Variants in SLIT3 observed in about 807,000 individuals in gnomAD.
SLIT3 encodes the protein slit homolog 3 protein.
SLIT3 carries 68 observed loss-of-function variants against 184.0 expected under a neutral mutation model. The ratio of observed to expected loss-of-function variants is 0.37; its 90% CI spans 0.30 to 0.45. SLIT3 has a LOEUF of 0.45. Among genes scored for constraint, SLIT3 ranks in the 20% least tolerant of loss-of-function variants. The probability of loss-of-function intolerance (pLI) is 1.00; values close to 1 mark genes in which losing one functional copy is unlikely to be tolerated. For synonymous variants in SLIT3, 831 were observed against 828.6 expected, an observed-to-expected ratio of 1.00 and a Z score of -0.05; for missense variants, 1,707 against 2,026.0, an observed-to-expected ratio of 0.84 and a Z score of 3.02.
chr5:169,091,493 GT>G (rs745957395), intron 4 of SLIT3, among the ~76,000 whole-genome samples: 6 of 152,340 alleles, frequency 3.9e-5, no homozygotes, highest in Middle Eastern at 6.8e-3. Flanking sequence ...TTCCTCTGGA[GT>G]CCCCCATGTT....
intron 3 of SLIT3, among the ~76,000 whole-genome samples, chr5:169,203,390 G>C (rs1164265549): frequency 8.6e-6 from 1 of 116,852 alleles, no homozygotes; most frequent in Non-Finnish European, 1.9e-5. Flanking sequence ...CACACACACA[G>C]CAGATAATAA....
At chr5:168,981,468 G>A (rs1366144174) in intron 4 of SLIT3, among the ~76,000 whole-genome samples, 1 of 152,148 alleles carries the variant, frequency 6.6e-6, no homozygotes, top group East Asian at 1.9e-4. Context: ...TGCATGTGGT[G>A]GAGGTTCCAT....
At chr5:168,756,753 G>T (rs1389541589) in intron 16 of SLIT3, among the ~76,000 whole-genome samples, 2 of 152,230 alleles carry the variant, frequency 1.3e-5, no homozygotes. Context: ...AATGCCAGAA[G>T]AGAAGGCTTT....
At chr5:168,785,806 G>T in intron 12 of SLIT3, 101 bp downstream of exon 12, 1 of 831,100 alleles carries the variant, frequency 1.2e-6, no homozygotes, top group Non-Finnish European at 2.0e-6. Context: ...TCTTTTGTCT[G>T]CAGAAAGTCA....
intron 16 of SLIT3, among the ~76,000 whole-genome samples, chr5:168,757,638 T>C (rs1284560892): frequency 6.6e-6 from 1 of 152,184 alleles, no homozygotes; most frequent in African/African-American, 2.4e-5. Flanking sequence ...GGTTTCACCG[T>C]GTTAGTCAGG....
At chr5:169,251,137 G>A (rs1765759573) in intron 2 of SLIT3, among the ~76,000 whole-genome samples, 2 of 152,206 alleles carry the variant, frequency 1.3e-5, no homozygotes, top group Non-Finnish European at 2.9e-5. Flanking sequence ...TGATTTATTT[G>A]TTCATAGCCT....
intron 20 of SLIT3, among the ~76,000 whole-genome samples, chr5:168,728,465 A>G (rs745992480): frequency 8.5e-5 from 13 of 152,150 alleles, no homozygotes; most frequent in Non-Finnish European, 1.3e-4. Context: ...GATCCCAATC[A>G]AAAAGAATTC....
chr5:169,149,258 ATTGT>A (rs929868137), intron 4 of SLIT3, among the ~76,000 whole-genome samples: 2 of 151,790 alleles, frequency 1.3e-5, no homozygotes, highest in African/African-American at 4.8e-5. Context: ...GTAGTCAATG[ATTGT>A]TTGGCGGTAA....
intron 4 of SLIT3, among the ~76,000 whole-genome samples, chr5:169,185,406 G>A (rs1763299187): frequency 6.6e-6 from 1 of 152,194 alleles, no homozygotes; most frequent in African/African-American, 2.4e-5. Context: ...GCGCACAAGG[G>A]AGCAGGTCTC....
intron 3 of SLIT3, among the ~76,000 whole-genome samples, chr5:169,216,901 G>A (rs1002887336): frequency 6.6e-6 from 1 of 152,000 alleles, no homozygotes. Context: ...TGCGTGGCTC[G>A]GATGTTAATT....
At chr5:168,989,418 C>A (rs1297426912) in intron 4 of SLIT3, among the ~76,000 whole-genome samples, 1 of 152,226 alleles carries the variant, frequency 6.6e-6, no homozygotes, top group African/African-American at 2.4e-5. Flanking sequence ...GCTGAAAACA[C>A]AGCAGGAGAC....
chr5:168,708,008 G>A lies in SLIT3; in HGVS notation c.2812C>T (p.Leu938=). ...CTGTAGGGGCAGGCACAGCGGTACA[G>A]CTCCACAGGGTCCTGGGTGCATGTC... ...NGTCTQDPVE[L]YRCACPYSYK... Residue 938 remains leucine, a synonymous_variant, in exon 26 of 36, where the codon CTG becomes TTG. Coordinates refer to ENST00000519560, the MANE Select transcript of SLIT3 (RefSeq NM_003062.4). 6.2e-7 allele frequency: 1 copy of A among 1,614,202 alleles called. No homozygotes were observed.
intron 4 of SLIT3, among the ~76,000 whole-genome samples, chr5:168,941,827 C>G (rs572539435): frequency 3.3e-5 from 5 of 152,272 alleles, no homozygotes; most frequent in Admixed American, 2.0e-4. Context: ...TAATAAAATA[C>G]CTACCTCATG....
chr5:168,807,451 T>C (rs1329720615), intron 8 of SLIT3, among the ~76,000 whole-genome samples: 1 of 152,210 alleles, frequency 6.6e-6, no homozygotes, highest in African/African-American at 2.4e-5. Context: ...GACTATTCCC[T>C]CAAAGTGAGG....
intron 4 of SLIT3, among the ~76,000 whole-genome samples, chr5:169,191,358 G>A (rs971193327): frequency 1.3e-5 from 2 of 152,216 alleles, no homozygotes; most frequent in Middle Eastern, 3.2e-3. Flanking sequence ...TGCCTTCCCA[G>A]CTGCAGCTCT....
At chr5:169,098,804 T>C (rs1759891888) in intron 4 of SLIT3, among the ~76,000 whole-genome samples, 2 of 152,220 alleles carry the variant, frequency 1.3e-5, no homozygotes, top group Non-Finnish European at 2.9e-5. Flanking sequence ...GATTCACATT[T>C]TTCCAACCTC....
At chr5:169,013,495 G>T (rs528618877) in intron 4 of SLIT3, 1 of 152,190 alleles carries the variant, frequency 6.6e-6, no homozygotes, top group South Asian at 2.1e-4. Context: ...ACTGAAACCC[G>T]ATCCTTCTGC....
Position 169,224,822 on chromosome 5 carries a change from G to A in SLIT3, c.341+19883C>T, listed in dbSNP as rs111935249. ...ATGCTTCATCCTCCCGATAAGCTGGGACTACAGGTGCCGGCAACCATGCCC... is the reference window on the plus strand; with the variant it reads ...ATGCTTCATCCTCCCGATAAGCTGGAACTACAGGTGCCGGCAACCATGCCC... On this transcript the variant is annotated intron_variant, in intron 3 of 35. Transcript: ENST00000519560. 3.5e-3 allele frequency among the ~76,000 whole-genome samples: 535 copies of A among 152,188 alleles called. 6 individuals are homozygous for A. The highest frequency in any genetic ancestry group is 0.012 in the African/African-American group (512 of 41,510).
At chr5:169,005,035 T>C (rs1263657506) in intron 4 of SLIT3, among the ~76,000 whole-genome samples, 1 of 152,252 alleles carries the variant, frequency 6.6e-6, no homozygotes, top group Non-Finnish European at 1.5e-5. Context: ...CAAGCAAGTC[T>C]ATTGGTGTCA....
Sources: gnomAD v4.1 joint callset for allele counts (sites outside exome capture counted in the v4.1 genomes callset) on GRCh38, gnomAD v4.1.1 for gene constraint, MANE v1.5 for transcripts, NCBI Gene and HGNC (gene_info 2026-07-23, HGNC 2026-07-21) for gene names.